GRIK2: variants seen among roughly 807,000 people sequenced by gnomAD.
GRIK2 encodes glutamate receptor ionotropic, kainate 2.
In GRIK2, 32 loss-of-function variants were observed where a neutral mutation model predicts 100.3. The observed-to-expected ratio is 0.32, with a 90% CI of 0.24 to 0.43. GRIK2 has a LOEUF of 0.43. Among genes scored for constraint, GRIK2 ranks in the 20% least tolerant of loss-of-function variants. The probability of loss-of-function intolerance (pLI) is 1.00; values close to 1 mark genes in which losing one functional copy is unlikely to be tolerated. For missense variants in GRIK2, 843 were observed against 1,114.9 expected, an observed-to-expected ratio of 0.76 and a Z score of 3.47; for synonymous variants, 417 against 389.4, an observed-to-expected ratio of 1.07 and a Z score of -0.83.
At chr6:101,524,809 G>T (rs1037944073) in intron 2 of GRIK2, among the ~76,000 whole-genome samples, 2 of 149,708 alleles carry the variant, frequency 1.3e-5, no homozygotes, top group Non-Finnish European at 3.0e-5. Flanking sequence ...TTGGCTCACT[G>T]CAACTTCCGC....
intron 7 of GRIK2, among the ~76,000 whole-genome samples, chr6:101,772,849 T>G (rs1778492131): frequency 6.6e-6 from 1 of 152,134 alleles, no homozygotes; most frequent in Non-Finnish European, 1.5e-5. Context: ...CATATGGCAT[T>G]GCATTAAAAT....
intron 2 of GRIK2, among the ~76,000 whole-genome samples, chr6:101,457,915 A>C (rs1341045078): frequency 1.3e-5 from 2 of 152,126 alleles, no homozygotes; most frequent in African/African-American, 4.8e-5. Flanking sequence ...AAAACCATTA[A>C]ATCTTTCCAT....
chr6:102,063,596 T>C (rs1473100944), intron 16 of GRIK2, among the ~76,000 whole-genome samples: 1 of 150,846 alleles, frequency 6.6e-6, no homozygotes, highest in Non-Finnish European at 1.5e-5. Context: ...CTTCTCCAAA[T>C]GCTGTCACAT....
At chr6:101,590,007 T>C (rs538768) in intron 2 of GRIK2, among the ~76,000 whole-genome samples, 57,948 of 151,924 alleles carry the variant, frequency 0.38, 12,052 homozygotes, top group African/African-American at 0.56. Flanking sequence ...GTCTTTGCTT[T>C]ATACTACATA....
intron 2 of GRIK2, among the ~76,000 whole-genome samples, chr6:101,559,675 C>A (rs1776910400): frequency 6.6e-6 from 1 of 152,056 alleles, no homozygotes; most frequent in African/African-American, 2.4e-5. Flanking sequence ...ATTTTAATAG[C>A]AATGAAAGAG....
intron 14 of GRIK2, among the ~76,000 whole-genome samples, chr6:101,960,048 G>GTTTTTTTTTT (rs3029100): frequency 9.3e-5 from 11 of 118,244 alleles, no homozygotes; most frequent in African/African-American, 3.2e-4. Context: ...TTTTTTTAGT[G>GTTTTTTTTTT]TTTTGTTTTT....
chr6:101,474,716 G>C lies in GRIK2; in HGVS notation c.115+75324G>C, dbSNP rs145003745. Among the ~76,000 whole-genome samples the C allele has an allele frequency of 7.2e-5, 7 of 97,006 alleles. No individual in the cohort carries two copies. In the East Asian group the frequency reaches 2.3e-3, roughly 32 times the overall value. The allele number at this position is 97,006 out of a possible 152,430, so 63.6% of individuals were successfully genotyped here. On this transcript the variant is annotated intron_variant, in intron 2 of 16. Transcript: ENST00000369134. ...ATGAGATTCCACAGGAGAAAAATGGGAGAGTGGCAGGCTTTTTTTTTGTTT... is the reference window on the plus strand; with the variant it reads ...ATGAGATTCCACAGGAGAAAAATGGCAGAGTGGCAGGCTTTTTTTTTGTTT...
chr6:101,800,535 G>A (rs1197057554), intron 8 of GRIK2, among the ~76,000 whole-genome samples: 1 of 151,944 alleles, frequency 6.6e-6, no homozygotes, highest in Non-Finnish European at 1.5e-5. Context: ...ATTACCATAT[G>A]AAATTTTTTA....
At chr6:101,762,168 G>GTCTC (rs372643035) in intron 7 of GRIK2, among the ~76,000 whole-genome samples, 7 of 121,884 alleles carry the variant, frequency 5.7e-5, no homozygotes, top group African/African-American at 2.0e-4. Flanking sequence ...CTCTGTCTCT[G>GTCTC]TCTCTCTCTC....
chr6:101,869,504 A>G (rs1485944186), intron 11 of GRIK2, among the ~76,000 whole-genome samples: 1 of 151,834 alleles, frequency 6.6e-6, no homozygotes, highest in East Asian at 1.9e-4. Context: ...AGATATGGCC[A>G]CTGAACTGGA....
intron 7 of GRIK2, among the ~76,000 whole-genome samples, chr6:101,697,742 T>C (rs1335114024): frequency 6.6e-6 from 1 of 152,044 alleles, no homozygotes; most frequent in East Asian, 1.9e-4. Flanking sequence ...AACAGTCTGC[T>C]TATTCCTTCC....
In GRIK2 at chr6:101,597,411, T is replaced by G. The variant is rs536487486; in HGVS notation, c.116-24538T>G. Among the ~76,000 whole-genome samples the G allele has an allele frequency of 1.2e-4, 18 of 151,838 alleles. No individual in the cohort carries two copies. The South Asian group carries it at 2.9e-3, about 24-fold the overall frequency. The stretch of plus-strand genomic sequence containing the variant: ...TAATTTTTAAAGTATCTATGTAAAT[T>G]TAAATAAATCCCTATCTGAACTTAA... On this transcript the variant is annotated intron_variant, in intron 2 of 16. Transcript: ENST00000369134.
chr6:102,063,847 G>A (rs1771872801), intron 16 of GRIK2: 3 of 555,300 alleles, frequency 5.4e-6, no homozygotes, highest in African/African-American at 2.0e-5. Flanking sequence ...TCAAGAATTA[G>A]AGATGTGTAA....
intron 14 of GRIK2, among the ~76,000 whole-genome samples, chr6:101,985,909 C>A (rs9498793): frequency 2.2e-4 from 34 of 151,636 alleles, no homozygotes; most frequent in Non-Finnish European, 3.0e-4. Flanking sequence ...CAAAATTATG[C>A]CATATACCTT....
At chr6:102,019,621 A>G (rs1203186942) in intron 14 of GRIK2, among the ~76,000 whole-genome samples, 1 of 152,030 alleles carries the variant, frequency 6.6e-6, no homozygotes, top group Non-Finnish European at 1.5e-5. Context: ...CAATCTATAC[A>G]TGAGATTTGT....
At chr6:101,733,282 C>T (rs777799930) in intron 7 of GRIK2, among the ~76,000 whole-genome samples, 4 of 152,044 alleles carry the variant, frequency 2.6e-5, no homozygotes, top group Non-Finnish European at 2.9e-5. Flanking sequence ...TTTATATGAA[C>T]CTGTGAAGTC....
chr6:102,007,674 T>G (rs1795311382), intron 14 of GRIK2, among the ~76,000 whole-genome samples: 2 of 152,000 alleles, frequency 1.3e-5, no homozygotes. Flanking sequence ...TCATATTAGA[T>G]GATAGTGGTG....
intron 10 of GRIK2, among the ~76,000 whole-genome samples, chr6:101,829,319 C>T (rs189031659): frequency 4.6e-5 from 7 of 152,028 alleles, no homozygotes; most frequent in Middle Eastern, 3.4e-3. Context: ...GAAGCATGGC[C>T]CTTAAGAACT....
At chr6:101,750,521 G>C (rs918770413) in intron 7 of GRIK2, among the ~76,000 whole-genome samples, 3 of 152,186 alleles carry the variant, frequency 2.0e-5, no homozygotes, top group African/African-American at 4.8e-5. Context: ...GGCATAGCTA[G>C]TATTTCTTCC....
Sources: gnomAD v4.1 joint callset for allele counts (sites outside exome capture counted in the v4.1 genomes callset) on GRCh38, gnomAD v4.1.1 for gene constraint, MANE v1.5 for transcripts, NCBI Gene and HGNC (gene_info 2026-07-23, HGNC 2026-07-21) for gene names.